The following MGAT4C variants were observed in gnomAD, a reference collection of about 807,000 sequenced individuals.
The protein encoded by MGAT4C is alpha-1,3-mannosyl-glycoprotein 4-beta-N-acetylglucosaminyltransferase C.
Under a neutral mutation model 40.1 loss-of-function variants are expected in MGAT4C, and 19 were observed. The observed-to-expected ratio is 0.47, with a 90% CI of 0.33 to 0.70. The LOEUF is 0.70. Ranked by LOEUF, MGAT4C falls within the 30% of genes least tolerant of loss-of-function variation. MGAT4C has a pLI of 0.02. For missense variants in MGAT4C, 491 were observed against 563.2 expected, an observed-to-expected ratio of 0.87 and a Z score of 1.30; for synonymous variants, 181 against 187.1, an observed-to-expected ratio of 0.97 and a Z score of 0.27.
intron 2 of MGAT4C, among the ~76,000 whole-genome samples, chr12:86,524,200 T>C (rs1470835435): frequency 6.6e-6 from 1 of 152,204 alleles, no homozygotes; most frequent in Non-Finnish European, 1.5e-5. Context: ...TCTATGTACT[T>C]CAGCCTGTTT....
At position 86,782,168 on chromosome 12, in the gene MGAT4C, T is replaced by C. The variant is rs139449546; in HGVS notation, c.-261-54927A>G. Among the ~76,000 whole-genome samples the C allele has an allele frequency of 3.8e-5, 5 of 130,426 alleles. No individual in the cohort carries two copies. The East Asian group carries it at 1.1e-3, about 29-fold the overall frequency. The allele number at this position is 130,426 out of a possible 152,430, so 85.6% of individuals were successfully genotyped here. On this transcript the variant is annotated intron_variant, in intron 1 of 7. Transcript: ENST00000548651. Reference sequence around the variant, plus strand: ...CCACCACGCCTGGCTAAATGTTTTTTGTATTTTTTTTTTTTTTTTTTTTTT... The same window carrying C: ...CCACCACGCCTGGCTAAATGTTTTTCGTATTTTTTTTTTTTTTTTTTTTTT...
chr12:86,779,787 C>T (rs994150745), intron 1 of MGAT4C, among the ~76,000 whole-genome samples: 44 of 151,890 alleles, frequency 2.9e-4, no homozygotes, highest in African/African-American at 9.2e-4. Context: ...GTGGCGGGCG[C>T]CTGTAGTCCC....
intron 2 of MGAT4C, among the ~76,000 whole-genome samples, chr12:86,030,888 G>T (rs1002115597): frequency 2.0e-5 from 3 of 151,732 alleles, no homozygotes; most frequent in Non-Finnish European, 4.4e-5. Context: ...CTAGCTGAAG[G>T]TTTCTTGAAG....
At chr12:86,047,415 T>C (rs1386227032) in intron 2 of MGAT4C, among the ~76,000 whole-genome samples, 1 of 152,128 alleles carries the variant, frequency 6.6e-6, no homozygotes, top group East Asian at 1.9e-4. Context: ...ATCTTTCATT[T>C]TGCATGAAAG....
intron 1 of MGAT4C, among the ~76,000 whole-genome samples, chr12:86,196,845 T>C (rs557865937): frequency 6.6e-6 from 1 of 152,146 alleles, no homozygotes; most frequent in East Asian, 1.9e-4. Context: ...ATAGTTAGTC[T>C]GATAATTTTC....
intron 3 of MGAT4C, among the ~76,000 whole-genome samples, chr12:86,350,155 C>A (rs1217248798): frequency 6.6e-6 from 1 of 151,946 alleles, no homozygotes. Flanking sequence ...GAGATTATTG[C>A]CCTTGTATCT....
intron 1 of MGAT4C, among the ~76,000 whole-genome samples, chr12:86,781,487 T>C (rs2136182951): frequency 6.6e-6 from 1 of 152,300 alleles, no homozygotes; most frequent in South Asian, 2.1e-4. Context: ...AACTACATTA[T>C]GGTAATATAG....
intron 1 of MGAT4C, among the ~76,000 whole-genome samples, chr12:86,121,317 A>G (rs375178709): frequency 6.6e-6 from 1 of 152,170 alleles, no homozygotes; most frequent in Admixed American, 6.5e-5. Flanking sequence ...GTTGGAAAAC[A>G]CTCTTCAGGA....
At chr12:86,134,246 A>G (rs549651942) in intron 1 of MGAT4C, among the ~76,000 whole-genome samples, 1 of 152,216 alleles carries the variant, frequency 6.6e-6, no homozygotes, top group Non-Finnish European at 1.5e-5. Context: ...TATTTGATTA[A>G]CCAGTAATTT....
chr12:86,450,267 G>A (rs977798370), intron 2 of MGAT4C, among the ~76,000 whole-genome samples: 5 of 152,010 alleles, frequency 3.3e-5, no homozygotes, highest in Admixed American at 1.3e-4. Flanking sequence ...GATGATGAAT[G>A]AGGTTGAGCA....
At chr12:86,364,895 A>C (rs1178939362) in intron 3 of MGAT4C, among the ~76,000 whole-genome samples, 2 of 152,208 alleles carry the variant, frequency 1.3e-5, no homozygotes, top group Non-Finnish European at 2.9e-5. Context: ...ACAGGACCAC[A>C]GGACTGGGGC....
chr12:86,560,055 T>C (rs1007724433), intron 2 of MGAT4C, among the ~76,000 whole-genome samples: 1 of 151,284 alleles, frequency 6.6e-6, no homozygotes, highest in Admixed American at 6.6e-5. Flanking sequence ...AAAGAGAAAA[T>C]GGACAAGTTG....
At chr12:86,557,396 C>T (rs904452235) in intron 2 of MGAT4C, among the ~76,000 whole-genome samples, 2 of 152,114 alleles carry the variant, frequency 1.3e-5, no homozygotes, top group African/African-American at 4.8e-5. Flanking sequence ...ACCAGTGATG[C>T]CTGCAGATAA....
At chr12:86,145,114 T>C (rs1236268110) in intron 1 of MGAT4C, among the ~76,000 whole-genome samples, 1 of 152,172 alleles carries the variant, frequency 6.6e-6, no homozygotes, top group East Asian at 1.9e-4. Context: ...TTAAATGGTG[T>C]CTAAATATTT....
chr12:86,357,988 G>A (rs566399396), intron 3 of MGAT4C, among the ~76,000 whole-genome samples: 85 of 152,168 alleles, frequency 5.6e-4, no homozygotes, highest in South Asian at 1.7e-3. Flanking sequence ...ACACCACAGC[G>A]ATACTCCTCG....
chr12:86,084,758 A>T (rs1871431352), intron 1 of MGAT4C, among the ~76,000 whole-genome samples: 1 of 151,838 alleles, frequency 6.6e-6, no homozygotes, highest in African/African-American at 2.4e-5. Context: ...AGGCCTGAGC[A>T]AATGAAGTTT....
chr12:86,774,513 G>T (rs1296943947), intron 1 of MGAT4C, among the ~76,000 whole-genome samples: 1 of 150,904 alleles, frequency 6.6e-6, no homozygotes, highest in African/African-American at 2.4e-5. Flanking sequence ...TCTTTGAAAA[G>T]TTATCTGTCT....
intron 4 of MGAT4C, among the ~76,000 whole-genome samples, chr12:86,331,688 T>C (rs1436848067): frequency 6.6e-6 from 1 of 152,098 alleles, no homozygotes; most frequent in Non-Finnish European, 1.5e-5. Flanking sequence ...GCATTCCTGG[T>C]GGTTGGTAGG....
intron 2 of MGAT4C, among the ~76,000 whole-genome samples, chr12:86,675,483 C>G (rs1165156373): frequency 6.6e-6 from 1 of 152,128 alleles, no homozygotes; most frequent in Non-Finnish European, 1.5e-5. Context: ...GTCAGGGAAC[C>G]AGATGACCAA....
Sources: gnomAD v4.1 joint callset for allele counts (sites outside exome capture counted in the v4.1 genomes callset) on GRCh38, gnomAD v4.1.1 for gene constraint, MANE v1.5 for transcripts, NCBI Gene and HGNC (gene_info 2026-07-23, HGNC 2026-07-21) for gene names.